SVIL: variants seen among roughly 807,000 people sequenced by gnomAD.
SVIL encodes supervillin, also known as archvillin.
A neutral mutation model predicts 240.4 loss-of-function variants in SVIL; 101 were observed. The observed-to-expected ratio is 0.42, with a 90% CI of 0.36 to 0.50. The LOEUF is 0.50. SVIL is among the 20% of genes least tolerant of loss of function. The pLI is 0.01. For missense variants in SVIL, 2,512 were observed against 2,818.7 expected, an observed-to-expected ratio of 0.89 and a Z score of 2.46; for synonymous variants, 999 against 1,100.0, an observed-to-expected ratio of 0.91 and a Z score of 1.82.
intron 17 of SVIL, chr10:29,508,654 G>A (rs1255195937): frequency 1.5e-5 from 5 of 337,548 alleles, no homozygotes; most frequent in Admixed American, 1.2e-4. Context: ...ACTATGATCT[G>A]GAATTTCAAT....
At chr10:29,674,372 G>C (rs1960041650) in intron 2 of SVIL, among the ~76,000 whole-genome samples, 1 of 151,938 alleles carries the variant, frequency 6.6e-6, no homozygotes, top group Admixed American at 6.6e-5. Context: ...TCATGAGTTT[G>C]GTTAGAAAAG....
At chr10:29,709,776 T>C (rs1044122578) in intron 1 of SVIL, among the ~76,000 whole-genome samples, 2 of 152,086 alleles carry the variant, frequency 1.3e-5, no homozygotes, top group African/African-American at 4.8e-5. Flanking sequence ...TGAGCAGGTA[T>C]CCAGTGAGTA....
chr10:29,566,881 G>T (rs1187054986), intron 2 of SVIL, among the ~76,000 whole-genome samples: 2 of 152,156 alleles, frequency 1.3e-5, no homozygotes, highest in African/African-American at 4.8e-5. Flanking sequence ...GGACAAAGGG[G>T]TGTCTGCAGG....
intron 1 of SVIL, among the ~76,000 whole-genome samples, chr10:29,694,914 GA>G (rs1961809306): frequency 6.6e-6 from 1 of 152,222 alleles, no homozygotes; most frequent in South Asian, 2.1e-4. Flanking sequence ...AATTCCTAAG[GA>G]AAGGCAGCTA....
chr10:29,499,679 T>G (rs1948725322), intron 17 of SVIL, among the ~76,000 whole-genome samples: 1 of 152,214 alleles, frequency 6.6e-6, no homozygotes, highest in Non-Finnish European at 1.5e-5. Flanking sequence ...ACATGATTGA[T>G]CTAGAAAACT....
chr10:29,664,259 T>C (rs1246278687), intron 2 of SVIL, among the ~76,000 whole-genome samples: 1 of 152,234 alleles, frequency 6.6e-6, no homozygotes, highest in Non-Finnish European at 1.5e-5. Flanking sequence ...AAAATGTATA[T>C]TCATAATTTT....
At chr10:29,508,677 T>C (rs1949556883) in intron 17 of SVIL, 5 of 340,676 alleles carry the variant, frequency 1.5e-5, no homozygotes, top group South Asian at 1.2e-4. Flanking sequence ...CAGCAGACAC[T>C]GAGCATATAA....
intron 29 of SVIL, among the ~76,000 whole-genome samples, chr10:29,475,855 A>G (rs974823996): frequency 1.3e-5 from 2 of 152,216 alleles, no homozygotes; most frequent in Non-Finnish European, 2.9e-5. Flanking sequence ...CCCATTTCCA[A>G]CATTGCAACT....
intron 27 of SVIL, chr10:29,483,774 A>G (rs1361138458): frequency 3.3e-5 from 5 of 152,364 alleles, no homozygotes; most frequent in Non-Finnish European, 1.5e-5. Context: ...TCACACTGCC[A>G]TAATTTTTAA....
chr10:29,531,158 C>G, intron 10 of SVIL, 96 bp downstream of exon 10: 2 of 1,181,920 alleles, frequency 1.7e-6, no homozygotes, highest in Admixed American at 4.2e-5. Flanking sequence ...CTGTTATGCT[C>G]CATCATCTTA....
chr10:29,472,346 GA>G (rs1945681864), intron 30 of SVIL, among the ~76,000 whole-genome samples: 1 of 152,224 alleles, frequency 6.6e-6, no homozygotes, highest in African/African-American at 2.4e-5. Context: ...GTCCATAGTA[GA>G]AAATATTGTT....
intron 30 of SVIL, among the ~76,000 whole-genome samples, chr10:29,472,103 C>T (rs1184012339): frequency 6.6e-6 from 1 of 152,060 alleles, no homozygotes; most frequent in Non-Finnish European, 1.5e-5. Context: ...AGTGAGACCC[C>T]TGTCTCAAAA....
At chr10:29,649,440 A>G (rs879019662) in intron 3 of SVIL, among the ~76,000 whole-genome samples, 3 of 152,204 alleles carry the variant, frequency 2.0e-5, no homozygotes, top group East Asian at 3.9e-4. Context: ...TGTTTTTTAA[A>G]CCACACACAT....
chr10:29,561,411 T>C (rs1954460625), intron 3 of SVIL, among the ~76,000 whole-genome samples: 1 of 152,164 alleles, frequency 6.6e-6, no homozygotes, highest in South Asian at 2.1e-4. Flanking sequence ...ATAAAGGAAC[T>C]GGGATAGAGG....
intron 17 of SVIL, among the ~76,000 whole-genome samples, chr10:29,500,667 T>C (rs1273502972): frequency 6.6e-6 from 1 of 152,140 alleles, no homozygotes; most frequent in African/African-American, 2.4e-5. Flanking sequence ...TTCTAGCAGG[T>C]CCCCCACCTT....
At chr10:29,513,405 C>T (rs34654021) in intron 16 of SVIL, among the ~76,000 whole-genome samples, 66,433 of 151,922 alleles carry the variant, frequency 0.44, 15,190 homozygotes, top group African/African-American at 0.55. Flanking sequence ...CCCATCTCTA[C>T]TAAAAATACA....
At chr10:29,666,310 C>T (rs567752795) in intron 2 of SVIL, among the ~76,000 whole-genome samples, 3 of 152,334 alleles carry the variant, frequency 2.0e-5, no homozygotes, top group South Asian at 2.1e-4. Context: ...CAAGATTTCA[C>T]GACATCCTAA....
At chr10:29,593,728 CAT>C (rs59523791) in intron 1 of SVIL, among the ~76,000 whole-genome samples, 30,303 of 152,150 alleles carry the variant, frequency 0.2, 3,106 homozygotes, top group Middle Eastern at 0.27. Flanking sequence ...ACACCATACA[CAT>C]GTTAAGAAAT....
At chr10:29,547,916 A>G (rs1220791674) in intron 6 of SVIL, among the ~76,000 whole-genome samples, 1 of 152,200 alleles carries the variant, frequency 6.6e-6, no homozygotes, top group African/African-American at 2.4e-5. Context: ...CACAGGAAGA[A>G]CTTCCTTTGG....
Sources: gnomAD v4.1 joint callset for allele counts (sites outside exome capture counted in the v4.1 genomes callset) on GRCh38, gnomAD v4.1.1 for gene constraint, MANE v1.5 for transcripts, NCBI Gene and HGNC (gene_info 2026-07-23, HGNC 2026-07-21) for gene names.